The following ZNF346 variants were observed in gnomAD, a reference collection of about 807,000 sequenced individuals.
The protein encoded by ZNF346 is double-stranded RNA-binding zinc finger protein JAZ.
In ZNF346, 23 loss-of-function variants were observed where a neutral mutation model predicts 33.7. The observed-to-expected ratio is 0.68, with a 90% CI of 0.49 to 0.97. ZNF346 has a LOEUF of 0.97. Among genes scored for constraint, ZNF346 ranks in the 50% least tolerant of loss-of-function variants. The pLI is 0.00. For synonymous variants in ZNF346, 134 were observed against 142.4 expected, an observed-to-expected ratio of 0.94 and a Z score of 0.42; for missense variants, 340 against 371.1, an observed-to-expected ratio of 0.92 and a Z score of 0.69.
downstream of ZNF346, among the ~76,000 whole-genome samples, chr5:177,071,256 C>T (rs918868161): frequency 6.6e-6 from 1 of 151,976 alleles, no homozygotes. Flanking sequence ...GAGCCCTAAG[C>T]CAGGTGTGGT....
intron 4 of ZNF346, among the ~76,000 whole-genome samples, chr5:177,048,354 G>A (rs9313747): frequency 0.096 from 14,638 of 152,190 alleles, 1,454 homozygotes; most frequent in African/African-American, 0.25. Flanking sequence ...TAGGCCGGGT[G>A]CTCACGCCTG....
At chr5:177,071,849 C>T (rs1783521606), downstream of ZNF346, among the ~76,000 whole-genome samples, 1 of 152,130 alleles carries the variant, frequency 6.6e-6, no homozygotes, top group African/African-American at 2.4e-5. Context: ...TCCACCTAAC[C>T]TCACCTCTCT....
At chr5:177,060,838 T>C (rs1782416373) in intron 5 of ZNF346, among the ~76,000 whole-genome samples, 1 of 146,552 alleles carries the variant, frequency 6.8e-6, no homozygotes, top group African/African-American at 2.6e-5. Context: ...TGGGCTGGGG[T>C]GGTGGCTTAC....
chr5:177,033,086 T>G (rs778100975), intron 1 of ZNF346, among the ~76,000 whole-genome samples: 16 of 152,198 alleles, frequency 1.1e-4, no homozygotes, highest in South Asian at 2.1e-4. Flanking sequence ...GAGGGGTTTT[T>G]GCTTTTGAGA....
intron 3 of ZNF346, among the ~76,000 whole-genome samples, chr5:177,043,611 C>A (rs944525322): frequency 1.3e-5 from 2 of 151,954 alleles, no homozygotes; most frequent in Non-Finnish European, 2.9e-5. Context: ...ATAAAAAATA[C>A]AAAAATTAGC....
intron 8 of ZNF346, among the ~76,000 whole-genome samples, chr5:177,078,115 C>A (rs1002186184): frequency 6.6e-6 from 1 of 152,014 alleles, no homozygotes; most frequent in Non-Finnish European, 1.5e-5. Flanking sequence ...CCACTGCACT[C>A]CAGCCTGGGC....
intron 5 of ZNF346, among the ~76,000 whole-genome samples, chr5:177,058,826 AG>A (rs10711235): frequency 0.096 from 14,638 of 152,200 alleles, 1,445 homozygotes; most frequent in African/African-American, 0.25. Flanking sequence ...CCCTTCTTAC[AG>A]AGGTGGGCTG....
At chr5:177,070,091 G>A (rs1783433323), downstream of ZNF346, among the ~76,000 whole-genome samples, 1 of 152,210 alleles carries the variant, frequency 6.6e-6, no homozygotes, top group Non-Finnish European at 1.5e-5. Context: ...TGGAATCATA[G>A]AGTAGGCATA....
downstream of ZNF346, among the ~76,000 whole-genome samples, chr5:177,069,197 C>G (rs994045854): frequency 7.5e-6 from 1 of 133,560 alleles, no homozygotes; most frequent in Non-Finnish European, 1.5e-5. Context: ...TGGCTCATGC[C>G]TGTAATCCCA....
At chr5:177,078,817 A>C (rs1783870906) in intron 8 of ZNF346, among the ~76,000 whole-genome samples, 1 of 152,132 alleles carries the variant, frequency 6.6e-6, no homozygotes. Flanking sequence ...AGGCTGAGGC[A>C]GGAGAATCAT....
intron 4 of ZNF346, among the ~76,000 whole-genome samples, chr5:177,047,092 A>G (rs1780158315): frequency 6.6e-6 from 1 of 151,460 alleles, no homozygotes; most frequent in African/African-American, 2.4e-5. Flanking sequence ...TCTGTCACCC[A>G]GGCTGGAGTG....
rs771822479 is a variant in ZNF346 at position 177,041,243 on chromosome 5, C to T, written c.279+14C>T. On this transcript the variant is annotated intron_variant, in intron 2 of 6. Transcript: ENST00000358149. ...GCACATTACCAGGTATGCCATCATA[C>T]TTTTAGAACTGCGTTTCTTTTCAGA... The T allele has an allele frequency of 6.2e-7, 1 of 1,601,222 alleles. No homozygotes were observed. Among genetic ancestry groups the T allele is most frequent in the African/African-American group, 1.3e-5 (1 of 74,668 alleles).
intron 1 of ZNF346, among the ~76,000 whole-genome samples, chr5:177,033,193 C>T (rs952523084): frequency 3.3e-5 from 5 of 152,184 alleles, no homozygotes; most frequent in African/African-American, 1.2e-4. Context: ...TCCCCCATGT[C>T]AGCTTCCCTA....
At chr5:177,024,604 GCTT>G (rs2149570818) in intron 1 of ZNF346, among the ~76,000 whole-genome samples, 1 of 152,278 alleles carries the variant, frequency 6.6e-6, no homozygotes, top group African/African-American at 2.4e-5. Context: ...AACTGGTTGA[GCTT>G]CAGAGCTGGA....
chr5:177,040,049 T>C (rs1291277366), intron 1 of ZNF346, among the ~76,000 whole-genome samples: 2 of 151,676 alleles, frequency 1.3e-5, no homozygotes, highest in Non-Finnish European at 2.9e-5. Context: ...GGCGTGGTGG[T>C]GGGTGCCTGT....
At chr5:177,023,047 T>TCC in intron 1 of ZNF346, 134 bp downstream of exon 1, 2 of 1,445,254 alleles carry the variant, frequency 1.4e-6, no homozygotes, top group Non-Finnish European at 1.9e-6. Flanking sequence ...AGACTTGTGC[T>TCC]CCCCATCCGG....
chr5:177,037,919 A>G (rs1363546241), intron 1 of ZNF346, among the ~76,000 whole-genome samples: 4 of 151,912 alleles, frequency 2.6e-5, no homozygotes, highest in African/African-American at 4.8e-5. Flanking sequence ...TTAATTTCCT[A>G]CCATTCTTCT....
At chr5:177,042,731 CTCTA>C (rs1367413837) in intron 3 of ZNF346, among the ~76,000 whole-genome samples, 1 of 152,110 alleles carries the variant, frequency 6.6e-6, no homozygotes, top group African/African-American at 2.4e-5. Flanking sequence ...CTTTCTATTT[CTCTA>C]TCTGTCTATT....
chr5:177,057,388 A>G lies in ZNF346; in HGVS notation c.704-4670A>G, dbSNP rs74463504. ...AATAAAGACTCTAAAACTAAGTTGT[A>G]TATTATCAATTAGAGATGCAGGTGG... On this transcript the variant is annotated intron_variant, in intron 5 of 6. Transcript: ENST00000358149. 2.2e-3 allele frequency among the ~76,000 whole-genome samples: 335 copies of G among 152,156 alleles called. 1 individual carries two copies. The highest frequency in any genetic ancestry group is 3.1e-3 in the Non-Finnish European group (209 of 68,010).
Sources: gnomAD v4.1 joint callset for allele counts (sites outside exome capture counted in the v4.1 genomes callset) on GRCh38, gnomAD v4.1.1 for gene constraint, MANE v1.5 for transcripts, NCBI Gene and HGNC (gene_info 2026-07-23, HGNC 2026-07-21) for gene names.